RPS6KC1: variants seen among roughly 807,000 people sequenced by gnomAD.
The protein encoded by RPS6KC1 is inactive ribosomal protein S6 kinase delta-1.
In RPS6KC1, 54 loss-of-function variants were observed where a neutral mutation model predicts 103.8. That is an observed-to-expected ratio of 0.52 (90% CI 0.42 to 0.65). The LOEUF (loss-of-function observed/expected upper bound fraction) is 0.65. Among genes scored for constraint, RPS6KC1 ranks in the 30% least tolerant of loss-of-function variants. RPS6KC1 has a pLI of 0.00. For synonymous variants in RPS6KC1, 439 were observed against 438.7 expected, an observed-to-expected ratio of 1.00 and a Z score of -0.01; for missense variants, 1,151 against 1,253.8, an observed-to-expected ratio of 0.92 and a Z score of 1.24.
chr1:213,343,450 G>A, the RPS6KC1 span, among the ~76,000 whole-genome samples: 1 of 89,868 alleles, frequency 1.1e-5, no homozygotes, highest in African/African-American at 4.0e-5. Context: ...TACATACCAT[G>A]GAATACTACT....
At chr1:213,362,131 G>A in the RPS6KC1 span, among the ~76,000 whole-genome samples, 1 of 152,334 alleles carries the variant, frequency 6.6e-6, no homozygotes, top group African/African-American at 2.4e-5. Flanking sequence ...TGTTCAAGGG[G>A]AGCTATTTGT....
chr1:213,776,348 T>C, the RPS6KC1 span, among the ~76,000 whole-genome samples: 1 of 152,206 alleles, frequency 6.6e-6, no homozygotes, highest in South Asian at 2.1e-4. Flanking sequence ...TCAAAATTAC[T>C]CCTTGATCTA....
At chr1:213,099,653 C>G (rs1371807989) in intron 3 of RPS6KC1, among the ~76,000 whole-genome samples, 2 of 152,136 alleles carry the variant, frequency 1.3e-5, no homozygotes, top group South Asian at 4.1e-4. Flanking sequence ...CTTGCCCCTT[C>G]CCTGTCAATC....
chr1:213,664,203 G>GGGGGGGT, the RPS6KC1 span, among the ~76,000 whole-genome samples: 1 of 141,074 alleles, frequency 7.1e-6, no homozygotes, highest in Non-Finnish European at 1.6e-5. Flanking sequence ...GGGGGGGCGG[G>GGGGGGGT]GTGGGGAGGG....
chr1:213,536,930 G>GA, the RPS6KC1 span, among the ~76,000 whole-genome samples: 1 of 152,222 alleles, frequency 6.6e-6, no homozygotes, highest in Non-Finnish European at 1.5e-5. Flanking sequence ...CTGATATACA[G>GA]AATTGGTCCG....
chr1:213,068,651 A>G (rs903227491), intron 1 of RPS6KC1, among the ~76,000 whole-genome samples: 4 of 152,016 alleles, frequency 2.6e-5, no homozygotes, highest in Admixed American at 6.6e-5. Context: ...GTTACCTGTT[A>G]TAGTCTCTTA....
intron 8 of RPS6KC1, among the ~76,000 whole-genome samples, chr1:213,177,620 G>A (rs952131508): frequency 6.6e-6 from 1 of 152,052 alleles, no homozygotes; most frequent in African/African-American, 2.4e-5. Context: ...TAAGTAGTAG[G>A]ATTTTTCTTT....
At chr1:213,496,690 G>A in the RPS6KC1 span, among the ~76,000 whole-genome samples, 2,007 of 152,158 alleles carry the variant, frequency 0.013, 44 homozygotes, top group African/African-American at 0.045. Flanking sequence ...CCCAGGAGGC[G>A]GAGGTTTCAG....
chr1:213,153,042 G>C (rs971744701), intron 6 of RPS6KC1, among the ~76,000 whole-genome samples: 2 of 152,214 alleles, frequency 1.3e-5, no homozygotes, highest in Non-Finnish European at 2.9e-5. Context: ...GCTGGAGACC[G>C]GCCTGGCCAA....
the RPS6KC1 span, among the ~76,000 whole-genome samples, chr1:213,315,427 T>A: frequency 6.6e-6 from 1 of 152,240 alleles, no homozygotes. Flanking sequence ...AAATGTTTTT[T>A]GGACTCATGG....
At chr1:213,520,170 A>G in the RPS6KC1 span, among the ~76,000 whole-genome samples, 2 of 152,156 alleles carry the variant, frequency 1.3e-5, no homozygotes, top group Admixed American at 6.5e-5. Flanking sequence ...CTGCTGATAA[A>G]GACATGTCTG....
the RPS6KC1 span, among the ~76,000 whole-genome samples, chr1:213,476,246 T>C: frequency 1.3e-5 from 2 of 152,188 alleles, no homozygotes; most frequent in Non-Finnish European, 2.9e-5. Flanking sequence ...GCCCCCTGCT[T>C]GGTCACATGA....
the RPS6KC1 span, among the ~76,000 whole-genome samples, chr1:213,602,194 C>CTTTCTTTCTTTCTTTT: frequency 2.7e-5 from 2 of 75,204 alleles, no homozygotes; most frequent in African/African-American, 6.2e-5. Context: ...TTCTTTTTCC[C>CTTTCTTTCTTTCTTTT]TCCCTCCCTC....
At chr1:213,328,310 C>T in the RPS6KC1 span, among the ~76,000 whole-genome samples, 8 of 152,098 alleles carry the variant, frequency 5.3e-5, no homozygotes, top group East Asian at 1.9e-4. Context: ...ACCATAACAA[C>T]GCTTCCTGGA....
At chr1:213,827,455 G>C in the RPS6KC1 span, among the ~76,000 whole-genome samples, 1 of 152,312 alleles carries the variant, frequency 6.6e-6, no homozygotes, top group East Asian at 1.9e-4. Flanking sequence ...CAGCCACATA[G>C]AGTGGAAAAT....
At chr1:213,638,483 A>C in the RPS6KC1 span, among the ~76,000 whole-genome samples, 1 of 152,082 alleles carries the variant, frequency 6.6e-6, no homozygotes, top group Non-Finnish European at 1.5e-5. Flanking sequence ...AAAGTTATAC[A>C]TTTTAAATTT....
chr1:213,616,241 A>G, the RPS6KC1 span, among the ~76,000 whole-genome samples: 10,826 of 152,292 alleles, frequency 0.071, 668 homozygotes, highest in East Asian at 0.28. Flanking sequence ...GCTAAGTGGG[A>G]CAGAATGTAA....
the RPS6KC1 span, among the ~76,000 whole-genome samples, chr1:213,854,764 G>A: frequency 1.3e-5 from 2 of 152,052 alleles, no homozygotes; most frequent in East Asian, 1.9e-4. Context: ...CCTCTGCATC[G>A]TACAGAAATC....
intron 8 of RPS6KC1, among the ~76,000 whole-genome samples, chr1:213,202,563 A>G (rs2148589504): frequency 6.6e-6 from 1 of 152,276 alleles, no homozygotes; most frequent in East Asian, 1.9e-4. Flanking sequence ...TAGTGAGCCA[A>G]GATCGCCCCA....
Sources: allele counts gnomAD v4.1 joint callset (sites outside exome capture counted in the v4.1 genomes callset), GRCh38; gene constraint gnomAD v4.1.1; transcripts MANE v1.5; gene names NCBI Gene and HGNC (gene_info 2026-07-23, HGNC 2026-07-21).